Variants in CLNK observed in about 807,000 individuals in gnomAD.
CLNK encodes cytokine-dependent hematopoietic cell linker.
In CLNK, 74 loss-of-function variants were observed where a neutral mutation model predicts 68.6. The observed-to-expected ratio is 1.08, with a 90% confidence interval of 0.89 to 1.31. The LOEUF is 1.31. CLNK is among the 50% of genes most tolerant of loss of function. The pLI, the probability that CLNK is intolerant of heterozygous loss-of-function variation, is 0.00. For synonymous variants in CLNK, 198 were observed against 172.2 expected (o/e 1.15, Z -1.17); for missense variants, 553 against 515.3 (o/e 1.07, Z -0.71).
chr4:10,633,905 A>G (rs1722983907), intron 2 of CLNK, among the ~76,000 whole-genome samples: 1 of 152,200 alleles, frequency 6.6e-6, no homozygotes, highest in African/African-American at 2.4e-5. Flanking sequence ...TCAGTTGCAT[A>G]ATGGTAATAG....
chr4:10,544,422 C>T (rs545756511), intron 8 of CLNK, among the ~76,000 whole-genome samples: 49 of 152,290 alleles, frequency 3.2e-4, no homozygotes, highest in African/African-American at 1.1e-3. Context: ...TCCCATGAAG[C>T]TTACATTCAG....
At position 10,528,084 on chromosome 4, in the gene CLNK, G is replaced by T; in HGVS notation, c.641C>A (p.Ala214Glu). Reference protein sequence around the residue: ...SLRDLSEVLEAEKVPHNQRKP... With the variant: ...SLRDLSEVLEEEKVPHNQRKP... Reference sequence around the variant, plus strand: ...AAATGTAAACAATTCACCTTTTTCTGCTTCAAGGACCTGTATTGAATTAAA... The same window carrying T: ...AAATGTAAACAATTCACCTTTTTCTTCTTCAAGGACCTGTATTGAATTAAA... Residue 214 changes from alanine to glutamate, a missense_variant, in exon 13 of 19, where the codon GCA becomes GAA. Coordinates refer to ENST00000226951, the MANE Select transcript of CLNK (RefSeq NM_052964.4). 1 of 1,355,676 alleles carries T rather than the reference G, an allele frequency of 7.4e-7. No homozygotes were observed. Among genetic ancestry groups the T allele is most frequent in the Non-Finnish European group, 9.7e-7 (1 of 1,033,184 alleles). The allele number at this position is 1,355,676 out of a possible 1,614,324, so 84.0% of individuals were successfully genotyped here.
chr4:10,594,586 A>T (rs1399842962), intron 3 of CLNK, among the ~76,000 whole-genome samples: 1 of 152,154 alleles, frequency 6.6e-6, no homozygotes, highest in Non-Finnish European at 1.5e-5. Context: ...ATGCTCTAGG[A>T]GCCACAGCTA....
At chr4:10,522,048 G>A (rs575084235) in intron 14 of CLNK, among the ~76,000 whole-genome samples, 2 of 151,970 alleles carry the variant, frequency 1.3e-5, no homozygotes, top group East Asian at 3.9e-4. Context: ...CACAAGGTCA[G>A]GAGATCGAGA....
intron 1 of CLNK, among the ~76,000 whole-genome samples, chr4:10,670,870 G>A (rs1724600433): frequency 1.3e-5 from 2 of 152,204 alleles, no homozygotes; most frequent in South Asian, 4.1e-4. Context: ...TAGGATAGCA[G>A]GGATGGAAAC....
chr4:10,510,728 C>G (rs1409539087), intron 16 of CLNK, among the ~76,000 whole-genome samples: 1 of 152,162 alleles, frequency 6.6e-6, no homozygotes, highest in African/African-American at 2.4e-5. Context: ...CTCCACAAGG[C>G]CTTATCTTCA....
At chr4:10,677,561 T>G (rs1347950042) in intron 1 of CLNK, among the ~76,000 whole-genome samples, 1 of 152,096 alleles carries the variant, frequency 6.6e-6, no homozygotes, top group African/African-American at 2.4e-5. Context: ...GATTGGATCA[T>G]GGGGGTGGTT....
rs76537470 is a variant in CLNK, at chr4:10,607,490, C to T, written c.12-9441G>A. ...CTGATGATAAGGCATGATTGCAAAC[C>T]CTACTCAGAGATTGTAATCCTATAA... On this transcript the variant is annotated intron_variant, in intron 2 of 18. Coordinates refer to ENST00000226951, the MANE Select transcript of CLNK (RefSeq NM_052964.4). Among the ~76,000 whole-genome samples, 226 of 152,240 alleles carry T rather than the reference C, an allele frequency of 1.5e-3. 5 individuals are homozygous for T. In the East Asian group the frequency reaches 0.033, roughly 22 times the overall value.
At chr4:10,506,311 T>C (rs1717291135) in intron 17 of CLNK, among the ~76,000 whole-genome samples, 2 of 152,202 alleles carry the variant, frequency 1.3e-5, no homozygotes. Context: ...TAAAATATGT[T>C]ACTTCTGAGA....
chr4:10,591,922 A>G (rs891125078), intron 3 of CLNK, among the ~76,000 whole-genome samples: 1 of 152,202 alleles, frequency 6.6e-6, no homozygotes, highest in African/African-American at 2.4e-5. Flanking sequence ...TATTTGGGGC[A>G]TGTAATTCCC....
At chr4:10,684,033 T>C (rs185740763) in intron 1 of CLNK, among the ~76,000 whole-genome samples, 1 of 152,352 alleles carries the variant, frequency 6.6e-6, no homozygotes, top group African/African-American at 2.4e-5. Context: ...TTTTCTTTTC[T>C]GTCTCATTCC....
the CLNK span, among the ~76,000 whole-genome samples, chr4:10,694,418 G>T: frequency 6.6e-6 from 1 of 151,984 alleles, no homozygotes; most frequent in Non-Finnish European, 1.5e-5. Context: ...GTCAATGATG[G>T]ACTGTATATA....
chr4:10,722,504 C>T, the CLNK span, among the ~76,000 whole-genome samples: 328 of 152,306 alleles, frequency 2.2e-3, 1 homozygote, highest in African/African-American at 7.6e-3. Flanking sequence ...ATGCAGCTTT[C>T]GATAACTCTG....
chr4:10,734,037 G>C, the CLNK span, among the ~76,000 whole-genome samples: 54,346 of 152,062 alleles, frequency 0.36, 11,470 homozygotes, highest in African/African-American at 0.6. Flanking sequence ...TGGAATAGGA[G>C]AAGACAAACC....
intron 8 of CLNK, among the ~76,000 whole-genome samples, chr4:10,547,228 A>G (rs1392800823): frequency 6.6e-6 from 1 of 152,144 alleles, no homozygotes; most frequent in Non-Finnish European, 1.5e-5. Flanking sequence ...GAGGTGGGAG[A>G]GTGCCCAGAT....
chr4:10,594,463 T>A (rs1357592444), intron 3 of CLNK, among the ~76,000 whole-genome samples: 1 of 152,234 alleles, frequency 6.6e-6, no homozygotes, highest in Non-Finnish European at 1.5e-5. Flanking sequence ...GAGGGCTTAT[T>A]TCAACATGGG....
intron 1 of CLNK, among the ~76,000 whole-genome samples, chr4:10,676,089 G>T (rs1239436788): frequency 2.6e-5 from 4 of 151,956 alleles, no homozygotes; most frequent in Non-Finnish European, 1.5e-5. Context: ...CTATGTGTGT[G>T]TGTGTTTGCA....
intron 17 of CLNK, among the ~76,000 whole-genome samples, chr4:10,501,927 CAAAACA>C (rs1311823984): frequency 6.6e-6 from 1 of 152,218 alleles, no homozygotes; most frequent in East Asian, 1.9e-4. Context: ...ACTCTGGTTC[CAAAACA>C]AAAACAAAAA....
intron 2 of CLNK, among the ~76,000 whole-genome samples, chr4:10,647,047 G>T (rs973236585): frequency 6.6e-6 from 1 of 152,164 alleles, no homozygotes. Context: ...AGGCGATGCT[G>T]TCATTTGTGT....
Sources: allele counts gnomAD v4.1 joint callset (sites outside exome capture counted in the v4.1 genomes callset), GRCh38; gene constraint gnomAD v4.1.1; transcripts MANE v1.5; gene names NCBI Gene and HGNC (gene_info 2026-07-23, HGNC 2026-07-21).